L3MBTL1: variants seen among roughly 807,000 people sequenced by gnomAD.
L3MBTL1 encodes lethal(3)malignant brain tumor-like protein 1.
In L3MBTL1, 75 loss-of-function variants were observed where a neutral mutation model predicts 105.3. The ratio of observed to expected loss-of-function variants is 0.71; its 90% CI spans 0.59 to 0.86. L3MBTL1 has a LOEUF of 0.86. Among genes scored for constraint, L3MBTL1 ranks in the 40% least tolerant of loss-of-function variants. L3MBTL1 has a pLI of 0.00. For missense variants in L3MBTL1, 1,069 were observed against 1,126.4 expected, an observed-to-expected ratio of 0.95 and a Z score of 0.73; for synonymous variants, 452 against 436.2, an observed-to-expected ratio of 1.04 and a Z score of -0.45.
chr20:43,530,844 A>G lies in L3MBTL1; in HGVS notation c.1239A>G (p.Thr413=). Residue 413 remains threonine (T), a synonymous_variant, in exon 11 of 22, where the codon ACA becomes ACG. Coordinates refer to ENST00000418998, the MANE Select transcript of L3MBTL1 (RefSeq NM_001377303.1). ...EFSWSQYLRS[T]RAQAAPKHLF... ...GCTGGAGCCAGTACCTGCGCAGCAC[A>G]AGAGCTCAGGCTGCCCCCAAGCACC... The G allele has an allele frequency of 6.2e-7, 1 of 1,614,142 alleles. No homozygotes were observed. The highest frequency in any genetic ancestry group is 8.5e-7 in the Non-Finnish European group (1 of 1,180,008).
chr20:43,533,978 G>A (rs772061464), intron 13 of L3MBTL1, 30 bp from the exon 14 acceptor site: 1 of 1,540,622 alleles, frequency 6.5e-7, no homozygotes, highest in Non-Finnish European at 9.0e-7. Flanking sequence ...CACCTGGGTG[G>A]CTAGACATTG....
Position 43,513,936 on chromosome 20 carries a change from T to A in L3MBTL1, c.235T>A (p.Cys79Ser), listed in dbSNP as rs2018212954. 1.3e-6 allele frequency: 2 copies of A among 1,550,232 alleles called. No homozygotes were observed. Among genetic ancestry groups the A allele is most frequent in the Admixed American group, 2.0e-5 (1 of 51,014 alleles). The part of the protein sequence containing the change: ...HVGAPEQVAG[C>S]EPVSATVLPQ... The stretch of plus-strand genomic sequence containing the variant: ...GGGTGCCCCGGAGCAAGTGGCCGGC[T>A]GCGAACCAGTTTCTGCCACCGTCCT... The change falls in exon 3 of 22, where the codon TGC becomes AGC. Residue 79 changes from cysteine to serine, a missense_variant. Coordinates refer to ENST00000418998, the MANE Select transcript of L3MBTL1 (RefSeq NM_001377303.1).
chr20:43,534,905 G>T lies in L3MBTL1; in HGVS notation c.1788G>T (p.Trp596Cys). ...ACCCAGACATCCACCCTGCCGGCTG[G>T]TGCTCCAAGACAGGACATCCCCTGC... Reference protein sequence around the residue: ...ADHPDIHPAGWCSKTGHPLQP... With the variant: ...ADHPDIHPAGCCSKTGHPLQP... Residue 596 changes from tryptophan (W) to cysteine (C), a missense_variant, in exon 16 of 22, where the codon TGG (tryptophan) becomes TGT (cysteine). Physicochemically the swap from Trp to Cys is radical, Grantham distance 215. Coordinates refer to ENST00000418998, the MANE Select transcript of L3MBTL1 (RefSeq NM_001377303.1). The T allele has an allele frequency of 1.9e-6, 3 of 1,608,192 alleles. No individual in the cohort carries two copies. In the South Asian group the frequency reaches 3.3e-5, roughly 18 times the overall value.
intron 19 of L3MBTL1, chr20:43,539,668 G>A: frequency 3.9e-6 from 1 of 257,782 alleles, no homozygotes; most frequent in Non-Finnish European, 7.7e-6. Context: ...AGCCTGGTCA[G>A]GGGGACTGTG....
chr20:43,514,495 T>G (rs1408435458), intron 3 of L3MBTL1, 140 bp from the exon 4 acceptor site: 6 of 1,536,342 alleles, frequency 3.9e-6, no homozygotes, highest in Non-Finnish European at 5.3e-6. Flanking sequence ...TAGCTTGGAG[T>G]GAGGCCCCCT....
chr20:43,532,939 C>T lies in L3MBTL1; in HGVS notation c.1436+15C>T. 1 of 1,614,060 alleles carries T rather than the reference C, an allele frequency of 6.2e-7. No individual in the cohort carries two copies. Among genetic ancestry groups the T allele is most frequent in the Non-Finnish European group, 8.5e-7 (1 of 1,179,956 alleles). ...TATGACTACTGGTAGTAGGAGGGCC[C>T]AGACTTGGCCTCAGGGGGTGAGGGG... On this transcript the variant is annotated intron_variant, in intron 12 of 21. Coordinates refer to ENST00000418998, the MANE Select transcript of L3MBTL1 (RefSeq NM_001377303.1).
At position 43,526,198 on chromosome 20, in the gene L3MBTL1, G is replaced by A. The variant is rs537375157; in HGVS notation, c.863-2459G>A. Among the ~76,000 whole-genome samples, 3 of 152,322 alleles carry A rather than the reference G, an allele frequency of 2.0e-5. No homozygotes were observed. In the South Asian group the frequency reaches 6.2e-4, roughly 32 times the overall value. Reference sequence around the variant, plus strand: ...AGACAAGAAATCTGGCAGGTAGTCAGCCCCTTAGCTGATGTTACGGTTTGG... The same window carrying A: ...AGACAAGAAATCTGGCAGGTAGTCAACCCCTTAGCTGATGTTACGGTTTGG... On this transcript the variant is annotated intron_variant, in intron 7 of 21. Transcript: ENST00000418998.
exon 19 of L3MBTL1, chr20:43,548,554 A>T (rs1021381048): frequency 6.0e-5 from 11 of 183,408 alleles, no homozygotes; most frequent in Non-Finnish European, 1.1e-4. Flanking sequence ...TTGTATTACC[A>T]AAGGGTCTTT....
intron 7 of L3MBTL1, among the ~76,000 whole-genome samples, chr20:43,521,116 C>T (rs1439230180): frequency 6.6e-6 from 1 of 152,210 alleles, no homozygotes; most frequent in Non-Finnish European, 1.5e-5. Flanking sequence ...CTTGGTTAAA[C>T]TTTCAGTGTC....
downstream of L3MBTL1, among the ~76,000 whole-genome samples, chr20:43,544,735 C>T (rs556520410): frequency 8.5e-5 from 13 of 152,244 alleles, no homozygotes; most frequent in East Asian, 1.5e-3. Flanking sequence ...GAGGCCAAGG[C>T]GGGCGGATTA....
intron 11 of L3MBTL1, 183 bp from the exon 12 acceptor site, chr20:43,532,590 G>A: frequency 1.7e-6 from 1 of 591,888 alleles, no homozygotes; most frequent in South Asian, 2.4e-5. Context: ...GTTCCTGAGT[G>A]CCTCAGGGCT....
intron 7 of L3MBTL1, among the ~76,000 whole-genome samples, chr20:43,518,329 A>G (rs544747845): frequency 1.3e-5 from 2 of 152,192 alleles, no homozygotes; most frequent in Non-Finnish European, 2.9e-5. Flanking sequence ...TGTTTGAGCT[A>G]TACTCTGTTT....
At chr20:43,515,768 G>A (rs904217912) in intron 6 of L3MBTL1, among the ~76,000 whole-genome samples, 1 of 152,242 alleles carries the variant, frequency 6.6e-6, no homozygotes, top group African/African-American at 2.4e-5. Context: ...AGCTGCAGAA[G>A]CTGGAAGGGA....
intron 1 of L3MBTL1, among the ~76,000 whole-genome samples, chr20:43,510,000 A>G (rs1246523512): frequency 6.6e-6 from 1 of 152,150 alleles, no homozygotes; most frequent in Non-Finnish European, 1.5e-5. Context: ...AGTAGCTGGG[A>G]TAACAGGCGT....
intron 7 of L3MBTL1, among the ~76,000 whole-genome samples, chr20:43,520,261 C>A (rs1288877554): frequency 1.3e-5 from 2 of 152,080 alleles, no homozygotes; most frequent in East Asian, 3.8e-4. Context: ...GAATAATATT[C>A]CATTGTATGG....
At chr20:43,518,830 A>G (rs1489668814) in intron 7 of L3MBTL1, among the ~76,000 whole-genome samples, 2 of 127,082 alleles carry the variant, frequency 1.6e-5, no homozygotes, top group Admixed American at 1.9e-4. Context: ...ACATGGTGAA[A>G]CCCCATCTCT....
At chr20:43,532,607 A>G (rs1377630952) in intron 11 of L3MBTL1, 166 bp from the exon 12 acceptor site, 1 of 693,798 alleles carries the variant, frequency 1.4e-6, no homozygotes, top group Non-Finnish European at 2.4e-6. Context: ...GGCTCAGGTT[A>G]TGATTCTGCC....
chr20:43,535,728 G>C (rs760102894), intron 16 of L3MBTL1, 109 bp from the exon 17 acceptor site: 79 of 684,788 alleles, frequency 1.2e-4, no homozygotes, highest in Middle Eastern at 3.8e-4. Context: ...CCTCATCCTT[G>C]GGGAGTGGGT....
intron 18 of L3MBTL1, among the ~76,000 whole-genome samples, chr20:43,547,497 G>A (rs1978695263): frequency 6.6e-6 from 1 of 152,280 alleles, no homozygotes; most frequent in South Asian, 2.1e-4. Flanking sequence ...TCTATCCCCT[G>A]TATTTCCCAT....
Sources: gnomAD v4.1 joint callset for allele counts (sites outside exome capture counted in the v4.1 genomes callset) on GRCh38, gnomAD v4.1.1 for gene constraint, MANE v1.5 for transcripts, NCBI Gene and HGNC (gene_info 2026-07-23, HGNC 2026-07-21) for gene names.